Variants in EYA3 observed in about 807,000 individuals in gnomAD.
EYA3 encodes protein phosphatase EYA3.
A neutral mutation model predicts 80.0 loss-of-function variants in EYA3; 39 were observed. The ratio of observed to expected loss-of-function variants is 0.49; its 90% CI spans 0.38 to 0.64. EYA3 has a LOEUF of 0.64. Ranked by LOEUF, EYA3 falls within the 30% of genes least tolerant of loss-of-function variation. EYA3 has a pLI of 0.00. For synonymous variants in EYA3, 206 were observed against 232.8 expected, an observed-to-expected ratio of 0.88 and a Z score of 1.05; for missense variants, 523 against 676.1, an observed-to-expected ratio of 0.77 and a Z score of 2.51.
chr1:28,088,427 T>A (rs1207368978), intron 1 of EYA3, 97 bp downstream of exon 1: 2 of 152,910 alleles, frequency 1.3e-5, no homozygotes, highest in African/African-American at 2.4e-5. Flanking sequence ...GCGAAGAGAC[T>A]CCCACCCACA....
At chr1:27,992,734 G>A (rs1640161547) in intron 14 of EYA3, among the ~76,000 whole-genome samples, 1 of 152,186 alleles carries the variant, frequency 6.6e-6, no homozygotes, top group South Asian at 2.1e-4. Context: ...AACATGGTAT[G>A]GTTACAAATT....
chr1:28,061,593 T>TC lies in EYA3; in HGVS notation c.-68-3500_-68-3499insG, dbSNP rs547548141. 6.6e-3 allele frequency among the ~76,000 whole-genome samples: 984 copies of TC among 148,680 alleles called. 9 individuals carry two copies. Among genetic ancestry groups the TC allele is most frequent in the African/African-American group, 0.022 (910 of 40,982 alleles). On this transcript the variant is annotated intron_variant, in intron 1 of 17. Coordinates refer to ENST00000373871, the MANE Select transcript of EYA3 (RefSeq NM_001990.4). ...GTATTAGTTCTAGAATTTAACGTGT[T>TC]TTTTTTTTTTGTCTTTTGTTTTTTG... is the stretch of plus-strand genomic sequence containing the variant.
intron 1 of EYA3, among the ~76,000 whole-genome samples, chr1:28,070,289 G>A (rs769177130): frequency 6.6e-5 from 10 of 151,924 alleles, no homozygotes; most frequent in East Asian, 1.9e-4. Flanking sequence ...GGCCGGGTGC[G>A]GTGGCTCACA....
chr1:28,026,997 G>A (rs1452540242), intron 7 of EYA3, among the ~76,000 whole-genome samples: 2 of 152,058 alleles, frequency 1.3e-5, no homozygotes, highest in East Asian at 3.9e-4. Flanking sequence ...GAGTACTTCA[G>A]ATAGGTTTTT....
chr1:27,982,249 C>T (rs1340101142), intron 16 of EYA3, among the ~76,000 whole-genome samples: 2 of 151,994 alleles, frequency 1.3e-5, no homozygotes, highest in African/African-American at 4.8e-5. Flanking sequence ...CCACCTGCCT[C>T]GGCCTCCCAA....
At chr1:28,043,454 A>G (rs1571880040) in intron 3 of EYA3, among the ~76,000 whole-genome samples, 2 of 152,156 alleles carry the variant, frequency 1.3e-5, no homozygotes, top group Non-Finnish European at 2.9e-5. Context: ...CCTTGCTCCC[A>G]AAGTACCACA....
Position 28,058,068 on chromosome 1 carries a change from C to A in EYA3, c.-42G>T. 1.3e-6 allele frequency: 2 copies of A among 1,521,300 alleles called. No homozygotes were observed. The highest frequency in any genetic ancestry group is 1.8e-6 in the Non-Finnish European group (2 of 1,121,648). 94.2% of individuals were successfully genotyped at this position (1,521,300 alleles called of 1,614,324 possible). On this transcript the variant is annotated 5_prime_UTR_variant, in exon 2 of 18. Transcript: ENST00000373871. Reference sequence around the variant, plus strand: ...TTATTATACTTATGTGACTGGATTGCAAGTCTCTCTCAGCAGTTTTCACAA... The same window carrying A: ...TTATTATACTTATGTGACTGGATTGAAAGTCTCTCTCAGCAGTTTTCACAA...
chr1:28,080,159 T>C (rs997895256), intron 1 of EYA3, among the ~76,000 whole-genome samples: 4 of 148,632 alleles, frequency 2.7e-5, no homozygotes, highest in Admixed American at 6.7e-5. Flanking sequence ...ATAAAACAAA[T>C]AGAGGCCAGG....
chr1:28,050,347 C>A (rs888398905), intron 2 of EYA3, among the ~76,000 whole-genome samples: 4 of 151,768 alleles, frequency 2.6e-5, no homozygotes, highest in African/African-American at 4.8e-5. Context: ...TGCACACCAC[C>A]ATGCCCAGCT....
At chr1:28,015,596 G>T (rs1005230465) in intron 8 of EYA3, among the ~76,000 whole-genome samples, 1 of 151,984 alleles carries the variant, frequency 6.6e-6, no homozygotes, top group South Asian at 2.1e-4. Flanking sequence ...ACAAAAAGTG[G>T]GATTTAGAAA....
intron 1 of EYA3, among the ~76,000 whole-genome samples, chr1:28,082,725 T>C (rs183527968): frequency 3.9e-5 from 6 of 152,298 alleles, no homozygotes; most frequent in Admixed American, 3.3e-4. Flanking sequence ...ATTTAAGTAT[T>C]TTAAGACTAT....
Position 28,001,992 on chromosome 1 carries a change from C to T in EYA3, c.994-1943G>A, listed in dbSNP as rs185846604. The stretch of plus-strand genomic sequence containing the variant: ...GTGCAATGGTGCGATCTCAGCTCAC[C>T]GCAACCTCCGCCTCCCAGGTTCAAG... On this transcript the variant is annotated intron_variant, in intron 11 of 17. Coordinates refer to ENST00000373871, the MANE Select transcript of EYA3 (RefSeq NM_001990.4). Among the ~76,000 whole-genome samples the T allele has an allele frequency of 8.0e-3, 1,208 of 151,192 alleles. 14 individuals carry two copies. Among genetic ancestry groups the T allele is most frequent in the African/African-American group, 0.027 (1,110 of 41,256 alleles).
chr1:28,047,289 C>T (rs1051416550), intron 3 of EYA3, among the ~76,000 whole-genome samples: 1 of 152,042 alleles, frequency 6.6e-6, no homozygotes, highest in Non-Finnish European at 1.5e-5. Flanking sequence ...CAAGTCACCA[C>T]GCCGAGCTAA....
At chr1:27,977,473 G>T in intron 17 of EYA3, 2 of 1,330,538 alleles carry the variant, frequency 1.5e-6, no homozygotes, top group Non-Finnish European at 2.1e-6. Context: ...GAGGATAATT[G>T]TTCAAATTCA....
chr1:28,017,598 C>T (rs1425847536), intron 7 of EYA3, among the ~76,000 whole-genome samples: 1 of 152,174 alleles, frequency 6.6e-6, no homozygotes, highest in Non-Finnish European at 1.5e-5. Flanking sequence ...TGCAATGTGA[C>T]CTACTGTAAA....
rs1359892978 is a variant in EYA3, at chr1:28,030,108, TTATAGCCA to T, written c.362-2190_362-2183del. ...TCTGATAAACTAGGAGTGATTGAAT[TTATAGCCA>T]ATGAACACATATATGCAATTAAAAA... is the stretch of plus-strand genomic sequence containing the variant. On this transcript the variant is annotated intron_variant, in intron 6 of 17. Transcript: ENST00000373871. Among the ~76,000 whole-genome samples the T allele has an allele frequency of 3.3e-5, 5 of 152,326 alleles. No homozygotes were observed. In the East Asian group the frequency reaches 9.6e-4, roughly 29 times the overall value.
chr1:27,990,828 G>A (rs1027067202), intron 14 of EYA3, among the ~76,000 whole-genome samples: 3 of 151,646 alleles, frequency 2.0e-5, no homozygotes, highest in Admixed American at 6.6e-5. Flanking sequence ...TGGGATTACA[G>A]GTGTGAGCCA....
intron 1 of EYA3, among the ~76,000 whole-genome samples, chr1:28,059,573 T>C (rs1010718019): frequency 1.3e-5 from 2 of 152,212 alleles, no homozygotes; most frequent in Admixed American, 6.5e-5. Context: ...AATTGAAGTA[T>C]CTTTTCTTTA....
intron 2 of EYA3, among the ~76,000 whole-genome samples, chr1:28,057,556 AATAT>A: frequency 6.6e-6 from 1 of 152,158 alleles, no homozygotes; most frequent in East Asian, 1.9e-4. Context: ...TTAAGAATTC[AATAT>A]AGTCTCTAGG....
Sources: allele counts gnomAD v4.1 joint callset (sites outside exome capture counted in the v4.1 genomes callset), GRCh38; gene constraint gnomAD v4.1.1; transcripts MANE v1.5; gene names NCBI Gene and HGNC (gene_info 2026-07-23, HGNC 2026-07-21).